The following PLXDC2 variants were observed in gnomAD, a reference collection of about 807,000 sequenced individuals.
The protein encoded by PLXDC2 is plexin domain containing 2.
Under a neutral mutation model 68.9 loss-of-function variants are expected in PLXDC2, and 40 were observed. That is an observed-to-expected ratio of 0.58 (90% CI 0.45 to 0.76). The LOEUF (loss-of-function observed/expected upper bound fraction) is 0.76, where lower values mean the gene tolerates loss of function less well. Among genes scored for constraint, PLXDC2 ranks in the 30% least tolerant of loss-of-function variants. PLXDC2 has a pLI of 0.00. For missense variants in PLXDC2, 644 were observed against 661.9 expected, an observed-to-expected ratio of 0.97 and a Z score of 0.30; for synonymous variants, 243 against 234.2, an observed-to-expected ratio of 1.04 and a Z score of -0.34.
rs60138814 is a variant in PLXDC2, at chr10:19,949,123, C to CAAAA, written c.113-52631_113-52628dup. On this transcript the variant is annotated intron_variant, in intron 1 of 13. Transcript: ENST00000377252. ...GTCTGGCAACAGAGCGAGACTTTGT[C>CAAAA]AAAAAAAAAAAAAAAAAAAAAAAAG... Among the ~76,000 whole-genome samples, 99 of 82,890 alleles carry CAAAA rather than the reference C, an allele frequency of 1.2e-3. 2 individuals carry two copies. Among genetic ancestry groups the CAAAA allele is most frequent in the African/African-American group, 3.4e-3 (61 of 17,756 alleles). The allele number at this position is 82,890 out of a possible 152,430, so 54.4% of individuals were successfully genotyped here.
chr10:20,256,774 G>C (rs1347775620), intron 13 of PLXDC2, among the ~76,000 whole-genome samples: 1 of 151,872 alleles, frequency 6.6e-6, no homozygotes, highest in Non-Finnish European at 1.5e-5. Flanking sequence ...GTTTAATATG[G>C]AGAAAATTTG....
intron 1 of PLXDC2, among the ~76,000 whole-genome samples, chr10:19,834,786 G>A (rs1242696604): frequency 1.3e-5 from 2 of 152,188 alleles, no homozygotes; most frequent in Non-Finnish European, 2.9e-5. Flanking sequence ...TATGCGCCTA[G>A]CATTGTGATG....
At chr10:20,181,870 G>C (rs1166836625) in intron 9 of PLXDC2, among the ~76,000 whole-genome samples, 1 of 151,946 alleles carries the variant, frequency 6.6e-6, no homozygotes, top group Non-Finnish European at 1.5e-5. Context: ...ATGGAACTTT[G>C]GCTGCTTCAT....
chr10:20,163,326 C>A (rs1371679787), intron 6 of PLXDC2, among the ~76,000 whole-genome samples: 1 of 152,080 alleles, frequency 6.6e-6, no homozygotes. Context: ...TTAATTTGTC[C>A]ATTTTAACAA....
At chr10:20,015,783 C>A (rs1371467019) in intron 2 of PLXDC2, among the ~76,000 whole-genome samples, 1 of 152,114 alleles carries the variant, frequency 6.6e-6, no homozygotes, top group Non-Finnish European at 1.5e-5. Flanking sequence ...ATCTCCAATT[C>A]TCTCATCCTC....
At chr10:20,232,526 A>G (rs1203536014) in intron 12 of PLXDC2, among the ~76,000 whole-genome samples, 1 of 152,230 alleles carries the variant, frequency 6.6e-6, no homozygotes, top group Non-Finnish European at 1.5e-5. Flanking sequence ...ATGTTACACA[A>G]GGGGTTACTA....
At chr10:19,817,222 T>A in intron 1 of PLXDC2, 31 bp downstream of exon 1, 1 of 1,527,684 alleles carries the variant, frequency 6.5e-7, no homozygotes, top group Non-Finnish European at 8.9e-7. Context: ...CTTGCTGATT[T>A]TGTGCGCAGC....
At chr10:20,262,171 G>A (rs376106654) in intron 13 of PLXDC2, among the ~76,000 whole-genome samples, 24 of 152,242 alleles carry the variant, frequency 1.6e-4, no homozygotes, top group African/African-American at 4.6e-4. Context: ...GGGAAAGCAC[G>A]CTTCTCCCAC....
chr10:20,221,058 G>T (rs1375808935), intron 12 of PLXDC2, among the ~76,000 whole-genome samples: 3 of 151,954 alleles, frequency 2.0e-5, no homozygotes, highest in African/African-American at 7.3e-5. Flanking sequence ...GGCCAGGCTG[G>T]TCTTGAACTC....
At chr10:19,829,471 A>G (rs371825298) in intron 1 of PLXDC2, among the ~76,000 whole-genome samples, 31 of 152,228 alleles carry the variant, frequency 2.0e-4, no homozygotes, top group South Asian at 8.3e-4. Context: ...CTAAGTTACA[A>G]TTTCTGTAAT....
chr10:20,033,581 G>A (rs1835535405), intron 2 of PLXDC2, among the ~76,000 whole-genome samples: 1 of 152,276 alleles, frequency 6.6e-6, no homozygotes, highest in East Asian at 1.9e-4. Context: ...GGCGAAGGAA[G>A]AGCAAAGAGA....
rs1292668701 is a variant in PLXDC2, at chr10:19,817,117, G to C, written c.38G>C (p.Gly13Ala). 3 of 1,570,208 alleles carry C rather than the reference G, an allele frequency of 1.9e-6. No homozygotes were observed. The highest frequency in any genetic ancestry group is 2.6e-6 in the Non-Finnish European group (3 of 1,155,078). ...CCGAAGGCCGACCTGGCCGCTGCAG[G>C]AGTTATGTTACTTTGCCACTTCTTC... ...RFPKADLAAA[G>A]VMLLCHFFTD... The change falls in exon 1 of 14, where the codon GGA (glycine) becomes GCA (alanine). Residue 13 changes from glycine to alanine, a missense_variant. By Grantham distance (60) the Gly-to-Ala change is moderately conservative. Coordinates refer to ENST00000377252, the MANE Select transcript of PLXDC2 (RefSeq NM_032812.9).
Position 20,012,999 on chromosome 10 carries a change from G to A in PLXDC2, c.324+11013G>A, listed in dbSNP as rs1589585495. On this transcript the variant is annotated intron_variant, in intron 2 of 13. Coordinates refer to ENST00000377252, the MANE Select transcript of PLXDC2 (RefSeq NM_032812.9). ...TGGAATCCATTGCACTGAATTGAAT[G>A]AATGTGACAAACTATTACGGCTGGA... is the stretch of plus-strand genomic sequence containing the variant. Among the ~76,000 whole-genome samples the A allele has an allele frequency of 2.0e-5, 3 of 152,312 alleles. No homozygotes were observed. The South Asian group carries it at 6.2e-4, about 32-fold the overall frequency.
intron 1 of PLXDC2, among the ~76,000 whole-genome samples, chr10:19,968,583 G>C (rs1399068748): frequency 6.6e-6 from 1 of 152,112 alleles, no homozygotes; most frequent in African/African-American, 2.4e-5. Context: ...AAAGTGCTGG[G>C]AATATAGGCA....
At chr10:19,888,767 G>A (rs1837894053) in intron 1 of PLXDC2, among the ~76,000 whole-genome samples, 1 of 152,092 alleles carries the variant, frequency 6.6e-6, no homozygotes, top group African/African-American at 2.4e-5. Context: ...TGTGCAGAGG[G>A]GTAGGGTGAG....
At chr10:20,272,030 T>C (rs1835947257) in intron 13 of PLXDC2, among the ~76,000 whole-genome samples, 1 of 152,178 alleles carries the variant, frequency 6.6e-6, no homozygotes. Flanking sequence ...CACACAGTCA[T>C]GCTCGGTTTG....
chr10:20,097,915 A>G (rs1209710471), intron 4 of PLXDC2, among the ~76,000 whole-genome samples: 3 of 148,546 alleles, frequency 2.0e-5, no homozygotes, highest in African/African-American at 7.3e-5. Context: ...ATATTTATAT[A>G]GCATTATATT....
At chr10:19,939,502 A>G (rs1194722815) in intron 1 of PLXDC2, among the ~76,000 whole-genome samples, 1 of 151,862 alleles carries the variant, frequency 6.6e-6, no homozygotes, top group Non-Finnish European at 1.5e-5. Flanking sequence ...CAAGATGCCA[A>G]AAAAAAAGAG....
chr10:19,859,838 T>A (rs184616712), intron 1 of PLXDC2, among the ~76,000 whole-genome samples: 1 of 152,144 alleles, frequency 6.6e-6, no homozygotes, highest in African/African-American at 2.4e-5. Flanking sequence ...TTCAAGCGAT[T>A]CTCGTGCCTC....
Sources: gnomAD v4.1 joint callset for allele counts (sites outside exome capture counted in the v4.1 genomes callset) on GRCh38, gnomAD v4.1.1 for gene constraint, MANE v1.5 for transcripts, NCBI Gene and HGNC (gene_info 2026-07-23, HGNC 2026-07-21) for gene names.